Variants in EVI5 observed in about 807,000 individuals in gnomAD.
EVI5 encodes ecotropic viral integration site 5, also known as ecotropic viral integration site 5 protein homolog.
A neutral mutation model predicts 112.0 loss-of-function variants in EVI5; 73 were observed. The ratio of observed to expected loss-of-function variants is 0.65; its 90% confidence interval spans 0.54 to 0.79. The LOEUF (loss-of-function observed/expected upper bound fraction) is 0.79. EVI5 is among the 30% of genes least tolerant of loss of function. The probability of loss-of-function intolerance (pLI) is 0.00; values close to 1 mark genes in which losing one functional copy is unlikely to be tolerated. For synonymous variants in EVI5, 305 were observed against 319.9 expected, an observed-to-expected ratio of 0.95 and a Z score of 0.50; for missense variants, 900 against 968.8, an observed-to-expected ratio of 0.93 and a Z score of 0.94.
chr1:92,528,286 C>T (rs867467552), intron 19 of EVI5, among the ~76,000 whole-genome samples: 1 of 152,158 alleles, frequency 6.6e-6, no homozygotes, highest in Non-Finnish European at 1.5e-5. Context: ...TTCGCAGTAT[C>T]GACTAAAGTT....
At chr1:92,566,565 T>C (rs1052506790) in intron 18 of EVI5, among the ~76,000 whole-genome samples, 3 of 152,214 alleles carry the variant, frequency 2.0e-5, no homozygotes, top group African/African-American at 7.2e-5. Context: ...TTTAACATAC[T>C]ATATTTTTTA....
chr1:92,787,714 T>A (rs1162998566), upstream of EVI5, among the ~76,000 whole-genome samples: 1 of 149,124 alleles, frequency 6.7e-6, no homozygotes, highest in African/African-American at 2.5e-5. Context: ...CACTCCAGCC[T>A]GGGCGACAGA....
chr1:92,709,484 T>C (rs1672515825), intron 2 of EVI5, among the ~76,000 whole-genome samples: 2 of 152,194 alleles, frequency 1.3e-5, no homozygotes, highest in Non-Finnish European at 2.9e-5. Flanking sequence ...CTATTACTTT[T>C]TGTAAAAGAT....
chr1:92,584,241 G>T (rs1672426268), intron 18 of EVI5, among the ~76,000 whole-genome samples: 1 of 151,880 alleles, frequency 6.6e-6, no homozygotes, highest in Admixed American at 6.6e-5. Context: ...GCAATCTCTT[G>T]ATTGTTTAAA....
intron 18 of EVI5, among the ~76,000 whole-genome samples, chr1:92,584,373 AC>A (rs1557839103): frequency 6.6e-6 from 1 of 152,186 alleles, no homozygotes. Flanking sequence ...GATATTTTCA[AC>A]GCACATATGA....
At chr1:92,624,689 C>CAAAAAAAAA (rs141559165) in intron 15 of EVI5, among the ~76,000 whole-genome samples, 1 of 51,760 alleles carries the variant, frequency 1.9e-5, no homozygotes, top group Non-Finnish European at 3.3e-5. Context: ...GTCTCTACTT[C>CAAAAAAAAA]AAAAAAAAAA....
chr1:92,593,779 GACAA>G lies in EVI5; in HGVS notation c.2070+11524_2070+11527del, dbSNP rs1405272631. On this transcript the variant is annotated intron_variant, in intron 18 of 19. Coordinates refer to ENST00000684568, the MANE Select transcript of EVI5 (RefSeq NM_001350197.2). ...CAAGCATTCTTATACACCAATAACA[GACAA>G]ACAGAGAGCCAAATCATCAGTGAAC... is the stretch of plus-strand genomic sequence containing the variant. 3.3e-5 allele frequency among the ~76,000 whole-genome samples: 5 copies of G among 152,210 alleles called. No individual in the cohort carries two copies. In the East Asian group the frequency reaches 9.6e-4, roughly 29 times the overall value.
chr1:92,624,132 C>G (rs201595550), intron 16 of EVI5, 44 bp downstream of exon 16: 149 of 1,502,192 alleles, frequency 9.9e-5, no homozygotes, highest in Non-Finnish European at 1.3e-4. Context: ...AACCCTTGAT[C>G]AGCTAATGAT....
chr1:92,624,353 T>G lies in EVI5; in HGVS notation c.1669-19A>C, dbSNP rs1449979071. The G allele has an allele frequency of 2.5e-6, 4 of 1,605,644 alleles. No individual in the cohort carries two copies. The highest frequency in any genetic ancestry group is 2.6e-6 in the Non-Finnish European group (3 of 1,174,268). On this transcript the variant is annotated intron_variant, in intron 15 of 19. Transcript: ENST00000684568. Reference sequence around the variant, plus strand: ...AGTGGCGCTAAAGCATAAAAAATTATATTGCAACAAATACTCTCAGTATCA... The same window carrying G: ...AGTGGCGCTAAAGCATAAAAAATTAGATTGCAACAAATACTCTCAGTATCA...
intron 2 of EVI5, among the ~76,000 whole-genome samples, chr1:92,710,750 G>A (rs1302139723): frequency 2.8e-5 from 1 of 35,556 alleles, no homozygotes; most frequent in South Asian, 1.1e-3. Flanking sequence ...GTGAGATTGG[G>A]GTTGGGGGGG....
At chr1:92,790,622 T>TA (rs992930640) in intron 1 of EVI5, among the ~76,000 whole-genome samples, 2 of 151,310 alleles carry the variant, frequency 1.3e-5, no homozygotes, top group African/African-American at 4.9e-5. Flanking sequence ...GGTACTCAAA[T>TA]AAAAAGCTAT....
At position 92,703,522 on chromosome 1, in the gene EVI5, T is replaced by C; in HGVS notation, c.437A>G (p.Glu146Gly). Reference protein sequence around the residue: ...QSMPIKDQYSELLKMTSPCEK... With the variant: ...QSMPIKDQYSGLLKMTSPCEK... Reference sequence around the variant, plus strand: ...ACAAGGCGAGGTCATTTTCAGGAGTTCTGAATACTGATCCTTAATTGGCAT... The same window carrying C: ...ACAAGGCGAGGTCATTTTCAGGAGTCCTGAATACTGATCCTTAATTGGCAT... The change falls in exon 4 of 20, where the codon GAA (glutamate) becomes GGA (glycine). Residue 146 changes from glutamate (E) to glycine (G), a missense_variant. Transcript: ENST00000684568. 1 of 1,602,762 alleles carries C rather than the reference T, an allele frequency of 6.2e-7. No individual in the cohort carries two copies. Among genetic ancestry groups the C allele is most frequent in the Non-Finnish European group, 8.5e-7 (1 of 1,177,076 alleles).
At chr1:92,661,062 C>T (rs764644535) in intron 13 of EVI5, among the ~76,000 whole-genome samples, 1 of 151,898 alleles carries the variant, frequency 6.6e-6, no homozygotes, top group Non-Finnish European at 1.5e-5. Flanking sequence ...TACAAGATCA[C>T]ATAGTTGGCA....
intron 2 of EVI5, among the ~76,000 whole-genome samples, chr1:92,734,225 T>C (rs1161497157): frequency 6.6e-6 from 1 of 152,250 alleles, no homozygotes; most frequent in Non-Finnish European, 1.5e-5. Flanking sequence ...CTTAACTGCA[T>C]TGGGGCATAT....
At chr1:92,718,071 T>C (rs552264884) in intron 2 of EVI5, among the ~76,000 whole-genome samples, 2 of 152,276 alleles carry the variant, frequency 1.3e-5, no homozygotes, top group Admixed American at 6.5e-5. Flanking sequence ...TACAGAGACT[T>C]AGACTCCCAC....
At chr1:92,686,652 T>C (rs1200141789) in intron 9 of EVI5, among the ~76,000 whole-genome samples, 2 of 152,212 alleles carry the variant, frequency 1.3e-5, no homozygotes, top group African/African-American at 2.4e-5. Flanking sequence ...AACCCCATCA[T>C]CTCAGTGCAA....
intron 16 of EVI5, among the ~76,000 whole-genome samples, chr1:92,608,114 G>A (rs1479675120): frequency 1.3e-5 from 2 of 151,058 alleles, no homozygotes; most frequent in African/African-American, 4.9e-5. Flanking sequence ...CTGAGCCACT[G>A]CACTCCAGCC....
chr1:92,523,603 G>C (rs1661328789), intron 19 of EVI5, among the ~76,000 whole-genome samples: 1 of 151,978 alleles, frequency 6.6e-6, no homozygotes, highest in African/African-American at 2.4e-5. Flanking sequence ...ATGTATTTTA[G>C]GTATTCATTA....
At chr1:92,738,147 T>C (rs1677753964) in intron 1 of EVI5, among the ~76,000 whole-genome samples, 3 of 152,172 alleles carry the variant, frequency 2.0e-5, no homozygotes, top group Non-Finnish European at 4.4e-5. Context: ...AAAGGCCGTA[T>C]AGGAACCAAA....
Sources: allele counts gnomAD v4.1 joint callset (sites outside exome capture counted in the v4.1 genomes callset), GRCh38; gene constraint gnomAD v4.1.1; transcripts MANE v1.5; gene names NCBI Gene and HGNC (gene_info 2026-07-23, HGNC 2026-07-21).